SPMAP2L: variants seen among roughly 807,000 people sequenced by gnomAD.
The protein encoded by SPMAP2L is sperm microtubule associated protein 2 like.
the SPMAP2L span, among the ~76,000 whole-genome samples, chr4:56,624,729 T>C: frequency 1.3e-5 from 2 of 152,184 alleles, no homozygotes; most frequent in Non-Finnish European, 2.9e-5. Flanking sequence ...AAGTCAAGAA[T>C]TGAGGTTTGG....
the SPMAP2L span, chr4:56,548,702 C>T: frequency 6.5e-6 from 6 of 927,214 alleles, no homozygotes; most frequent in African/African-American, 1.7e-5. Flanking sequence ...TTTCTAACTC[C>T]TTTCTCTTTT....
chr4:56,533,158 C>T, the SPMAP2L span, among the ~76,000 whole-genome samples: 13,553 of 152,176 alleles, frequency 0.089, 746 homozygotes, highest in East Asian at 0.26. Context: ...CTTGGAATAA[C>T]AGATAATGGC....
the SPMAP2L span, among the ~76,000 whole-genome samples, chr4:56,605,937 C>T: frequency 2.6e-5 from 4 of 152,154 alleles, no homozygotes; most frequent in Admixed American, 2.6e-4. Flanking sequence ...AGTTGTTTAT[C>T]ACTCTGTAAC....
chr4:56,624,034 G>A, the SPMAP2L span, among the ~76,000 whole-genome samples: 3 of 152,162 alleles, frequency 2.0e-5, no homozygotes, highest in Non-Finnish European at 4.4e-5. Context: ...CTAGAGACTT[G>A]TTGAATGGCT....
At chr4:56,612,578 T>TC in the SPMAP2L span, among the ~76,000 whole-genome samples, 1 of 121,786 alleles carries the variant, frequency 8.2e-6, no homozygotes, top group Non-Finnish European at 1.7e-5. Context: ...TTGTTTACTT[T>TC]TTTTTTTTCA....
chr4:56,554,884 T>A, the SPMAP2L span, among the ~76,000 whole-genome samples: 2 of 152,150 alleles, frequency 1.3e-5, no homozygotes, highest in African/African-American at 4.8e-5. Context: ...TATTTATTTT[T>A]GCATGTAGAT....
chr4:56,572,813 C>T, the SPMAP2L span, among the ~76,000 whole-genome samples: 3,877 of 152,088 alleles, frequency 0.025, 158 homozygotes, highest in African/African-American at 0.078. Flanking sequence ...GTCAGGAGTT[C>T]GAGACCAGCC....
the SPMAP2L span, among the ~76,000 whole-genome samples, chr4:56,618,742 A>C: frequency 6.6e-6 from 1 of 152,212 alleles, no homozygotes; most frequent in East Asian, 1.9e-4. Flanking sequence ...AAACCATGTC[A>C]AAAGGCTTGC....
the SPMAP2L span, among the ~76,000 whole-genome samples, chr4:56,585,888 A>G: frequency 6.6e-6 from 1 of 152,234 alleles, no homozygotes; most frequent in African/African-American, 2.4e-5. Flanking sequence ...TTTGGAAAAC[A>G]AACTCCAGAT....
the SPMAP2L span, among the ~76,000 whole-genome samples, chr4:56,578,488 C>T: frequency 7.5e-3 from 1,135 of 151,978 alleles, 19 homozygotes; most frequent in South Asian, 0.064. Context: ...ATTACCTTAT[C>T]GGTAATTACA....
At chr4:56,602,491 G>A in the SPMAP2L span, among the ~76,000 whole-genome samples, 1 of 152,142 alleles carries the variant, frequency 6.6e-6, no homozygotes, top group South Asian at 2.1e-4. Flanking sequence ...CCAGGAGTTT[G>A]AGACCAGACT....
chr4:56,584,577 A>C, the SPMAP2L span: 1 of 1,535,408 alleles, frequency 6.5e-7, no homozygotes, highest in Non-Finnish European at 8.7e-7. Context: ...TCAGTAGCCA[A>C]AGGCACAGAC....
chr4:56,599,171 A>G, the SPMAP2L span, among the ~76,000 whole-genome samples: 3 of 152,018 alleles, frequency 2.0e-5, no homozygotes, highest in African/African-American at 7.3e-5. Flanking sequence ...GTATATATAC[A>G]CAATAATATG....
the SPMAP2L span, chr4:56,601,231 C>T: frequency 8.2e-6 from 8 of 975,046 alleles, no homozygotes; most frequent in Non-Finnish European, 1.2e-5. Flanking sequence ...TCCAAAACAT[C>T]TTACTTAACG....
the SPMAP2L span, among the ~76,000 whole-genome samples, chr4:56,566,878 G>A: frequency 6.6e-6 from 1 of 151,500 alleles, no homozygotes; most frequent in Non-Finnish European, 1.5e-5. Flanking sequence ...TGTATTTTTA[G>A]TAGAGACAGG....
At chr4:56,535,985 G>T in the SPMAP2L span, among the ~76,000 whole-genome samples, 1 of 152,232 alleles carries the variant, frequency 6.6e-6, no homozygotes, top group East Asian at 1.9e-4. Flanking sequence ...GACCCAGCAA[G>T]CTAGATCCCT....
At chr4:56,549,388 C>T in the SPMAP2L span, among the ~76,000 whole-genome samples, 1 of 152,138 alleles carries the variant, frequency 6.6e-6, no homozygotes, top group African/African-American at 2.4e-5. Flanking sequence ...TCTGCACTGA[C>T]AATCTTGAAT....
At chr4:56,582,561 A>T in the SPMAP2L span, among the ~76,000 whole-genome samples, 1 of 152,204 alleles carries the variant, frequency 6.6e-6, no homozygotes, top group Non-Finnish European at 1.5e-5. Flanking sequence ...AATCAACAAA[A>T]AAAACAGGTT....
At chr4:56,539,210 C>T in the SPMAP2L span, among the ~76,000 whole-genome samples, 2 of 152,060 alleles carry the variant, frequency 1.3e-5, no homozygotes, top group South Asian at 2.1e-4. Context: ...CTTTATTGAG[C>T]GCATACTATG....
Sources: gnomAD v4.1 joint callset for allele counts (sites outside exome capture counted in the v4.1 genomes callset) on GRCh38, gnomAD v4.1.1 for gene constraint, MANE v1.5 for transcripts, NCBI Gene and HGNC (gene_info 2026-07-23, HGNC 2026-07-21) for gene names.